The following CSMD1 variants were observed in gnomAD, a reference collection of about 807,000 sequenced individuals.
The protein encoded by CSMD1 is CUB and Sushi multiple domains 1, also known as CUB and sushi domain-containing protein 1.
A neutral mutation model predicts 417.5 loss-of-function variants in CSMD1; 213 were observed. That is an observed-to-expected ratio of 0.51 (90% CI 0.46 to 0.57). The LOEUF (loss-of-function observed/expected upper bound fraction) is 0.57, where lower values mean the gene tolerates loss of function less well. Ranked by LOEUF, CSMD1 falls within the 20% of genes least tolerant of loss-of-function variation. The pLI, the probability that CSMD1 is intolerant of heterozygous loss-of-function variation, is 0.00. For missense variants in CSMD1, 6,923 were observed against 4,529.7 expected, an observed-to-expected ratio of 1.53 and a Z score of -15.17; for synonymous variants, 2,862 against 1,736.8, an observed-to-expected ratio of 1.65 and a Z score of -16.11.
intron 3 of CSMD1, among the ~76,000 whole-genome samples, chr8:4,365,146 T>A (rs1342956039): frequency 6.6e-6 from 1 of 152,182 alleles, no homozygotes; most frequent in Non-Finnish European, 1.5e-5. Context: ...ATATACAGCA[T>A]ATCATATTTT....
rs1224446088 is a variant in CSMD1, at chr8:4,663,404, T to C, written c.86-25846A>G. Among the ~76,000 whole-genome samples the C allele has an allele frequency of 2.6e-5, 4 of 152,302 alleles. No individual in the cohort carries two copies. The East Asian group carries it at 7.7e-4, about 29-fold the overall frequency. ...TCTTTGGAAGATGCTAAGTGATTGG[T>C]TTGGGTCAATGTCCCTGCCGAAATC... On this transcript the variant is annotated intron_variant, in intron 1 of 69. Coordinates refer to ENST00000635120, the MANE Select transcript of CSMD1 (RefSeq NM_033225.6).
chr8:4,169,156 T>A (rs1025838094), intron 3 of CSMD1, among the ~76,000 whole-genome samples: 2 of 152,158 alleles, frequency 1.3e-5, no homozygotes, highest in African/African-American at 4.8e-5. Context: ...CTTAATGGTG[T>A]AAACACCGTC....
At chr8:3,579,253 G>A (rs987526159) in intron 9 of CSMD1, among the ~76,000 whole-genome samples, 69 of 152,280 alleles carry the variant, frequency 4.5e-4, no homozygotes, top group Middle Eastern at 3.4e-3. Flanking sequence ...GGATGCCAAT[G>A]CATGCCATTT....
intron 20 of CSMD1, among the ~76,000 whole-genome samples, chr8:3,359,907 A>G (rs2117713083): frequency 6.6e-6 from 1 of 152,358 alleles, no homozygotes; most frequent in East Asian, 1.9e-4. Context: ...GCAGACAAAT[A>G]GCATATTAAA....
chr8:3,428,124 A>C (rs1813976004), intron 12 of CSMD1, among the ~76,000 whole-genome samples: 1 of 152,378 alleles, frequency 6.6e-6, no homozygotes, highest in East Asian at 1.9e-4. Context: ...GAAATTAAAT[A>C]GATGTTAAAT....
intron 7 of CSMD1, among the ~76,000 whole-genome samples, chr8:3,699,045 C>A (rs914868649): frequency 2.0e-5 from 3 of 152,164 alleles, no homozygotes; most frequent in Admixed American, 6.5e-5. Flanking sequence ...CTGGATCTAG[C>A]GAAGCACTCT....
intron 8 of CSMD1, among the ~76,000 whole-genome samples, chr8:3,591,546 T>G (rs144033892): frequency 6.6e-6 from 1 of 152,166 alleles, no homozygotes; most frequent in South Asian, 2.1e-4. Flanking sequence ...AAACAGGAAA[T>G]GGGTTGACTT....
At chr8:4,285,738 T>A (rs1797025120) in intron 3 of CSMD1, among the ~76,000 whole-genome samples, 1 of 152,180 alleles carries the variant, frequency 6.6e-6, no homozygotes, top group Non-Finnish European at 1.5e-5. Flanking sequence ...CTCATCCTGT[T>A]AGGAACTTCA....
At chr8:3,671,258 G>GTATA (rs200175125) in intron 7 of CSMD1, among the ~76,000 whole-genome samples, 25 of 105,556 alleles carry the variant, frequency 2.4e-4, no homozygotes, top group East Asian at 1.0e-3. Context: ...ATATATATAT[G>GTATA]TATATATATA....
At chr8:3,639,717 T>G (rs1242611135) in intron 7 of CSMD1, among the ~76,000 whole-genome samples, 1 of 152,240 alleles carries the variant, frequency 6.6e-6, no homozygotes, top group Non-Finnish European at 1.5e-5. Context: ...CATCTTTGAT[T>G]TCTCAATGAT....
intron 3 of CSMD1, among the ~76,000 whole-genome samples, chr8:4,301,919 T>C (rs1016794757): frequency 6.6e-6 from 1 of 152,258 alleles, no homozygotes; most frequent in Non-Finnish European, 1.5e-5. Flanking sequence ...TTTATGTTGC[T>C]TTGATAGGGG....
chr8:3,433,373 G>T (rs183785201), intron 12 of CSMD1, among the ~76,000 whole-genome samples: 2 of 152,118 alleles, frequency 1.3e-5, no homozygotes, highest in African/African-American at 2.4e-5. Context: ...AATCCCTTCT[G>T]CCTTTCAAAA....
At chr8:4,430,526 C>T (rs1434755523) in intron 2 of CSMD1, among the ~76,000 whole-genome samples, 1 of 152,120 alleles carries the variant, frequency 6.6e-6, no homozygotes, top group Admixed American at 6.6e-5. Flanking sequence ...AGAAATTACA[C>T]TCTGATAGAC....
At chr8:3,906,993 A>G (rs996081247) in intron 5 of CSMD1, among the ~76,000 whole-genome samples, 4 of 152,206 alleles carry the variant, frequency 2.6e-5, no homozygotes, top group African/African-American at 9.7e-5. Context: ...AACATGTTGT[A>G]AGAAGGTCTT....
intron 7 of CSMD1, among the ~76,000 whole-genome samples, chr8:3,670,675 T>TA (rs1563255103): frequency 8.8e-6 from 1 of 113,852 alleles, no homozygotes; most frequent in Non-Finnish European, 2.0e-5. Flanking sequence ...ATGTACATGG[T>TA]TATATATGTA....
chr8:3,437,381 C>T (rs7821525), intron 12 of CSMD1, among the ~76,000 whole-genome samples: 95,180 of 151,782 alleles, frequency 0.63, 29,979 homozygotes, highest in East Asian at 0.76. Flanking sequence ...ATATAAAACC[C>T]TCTTTGGCAA....
chr8:3,514,924 C>G (rs780099990), intron 10 of CSMD1, among the ~76,000 whole-genome samples: 14 of 151,824 alleles, frequency 9.2e-5, no homozygotes, highest in East Asian at 5.8e-4. Context: ...TAAAGGCTGC[C>G]CAAGCAAATG....
intron 7 of CSMD1, among the ~76,000 whole-genome samples, chr8:3,654,645 G>C (rs1798015075): frequency 6.6e-6 from 1 of 152,208 alleles, no homozygotes; most frequent in Non-Finnish European, 1.5e-5. Context: ...TGCTAGGTGT[G>C]AGAGCTCCAT....
At chr8:3,817,357 T>C (rs1801443993) in intron 5 of CSMD1, among the ~76,000 whole-genome samples, 1 of 140,588 alleles carries the variant, frequency 7.1e-6, no homozygotes, top group South Asian at 2.5e-4. Flanking sequence ...CTTGGCTCAC[T>C]GCAACGTCCT....
Sources: allele counts gnomAD v4.1 joint callset (sites outside exome capture counted in the v4.1 genomes callset), GRCh38; gene constraint gnomAD v4.1.1; transcripts MANE v1.5; gene names NCBI Gene and HGNC (gene_info 2026-07-23, HGNC 2026-07-21).